Variants in SYT17 observed in about 807,000 individuals in gnomAD.
SYT17 encodes the protein synaptotagmin 17, also known as synaptotagmin-17.
A neutral mutation model predicts 46.7 loss-of-function variants in SYT17; 22 were observed. The observed-to-expected ratio is 0.47, with a 90% CI of 0.34 to 0.67. SYT17 has a LOEUF of 0.67. Ranked by LOEUF, SYT17 falls within the 30% of genes least tolerant of loss-of-function variation. The probability of loss-of-function intolerance (pLI) is 0.01; values close to 1 mark genes in which losing one functional copy is unlikely to be tolerated. For synonymous variants in SYT17, 251 were observed against 248.4 expected (o/e 1.01, Z -0.10); for missense variants, 519 against 612.8 (o/e 0.85, Z 1.62).
chr16:19,248,323 A>G (rs773613096), intron 7 of SYT17, among the ~76,000 whole-genome samples: 8 of 152,204 alleles, frequency 5.3e-5, no homozygotes, highest in Non-Finnish European at 1.2e-4. Flanking sequence ...TGGGGCTTAT[A>G]AGGGTAAATA....
At chr16:19,171,870 AAG>A (rs1325783281) in intron 1 of SYT17, 1 of 152,216 alleles carries the variant, frequency 6.6e-6, no homozygotes, top group African/African-American at 2.4e-5. Context: ...GTTTAAAAGA[AAG>A]GGGATGGGGG....
intron 7 of SYT17, among the ~76,000 whole-genome samples, chr16:19,254,904 C>T (rs1409275145): frequency 6.6e-6 from 1 of 152,174 alleles, no homozygotes. Flanking sequence ...GTGGCTCAAT[C>T]TCCACACTGA....
intron 5 of SYT17, among the ~76,000 whole-genome samples, chr16:19,214,756 G>A (rs530319751): frequency 4.0e-5 from 6 of 151,720 alleles, no homozygotes; most frequent in East Asian, 2.0e-4. Flanking sequence ...AAATTATGGC[G>A]CTGCTCACCA....
At chr16:19,192,822 C>T (rs1443323443) in intron 5 of SYT17, among the ~76,000 whole-genome samples, 1 of 152,152 alleles carries the variant, frequency 6.6e-6, no homozygotes, top group Non-Finnish European at 1.5e-5. Context: ...GTTTCTACTA[C>T]TGTGATGGTT....
At chr16:19,179,167 A>T (rs1964444627) in intron 3 of SYT17, among the ~76,000 whole-genome samples, 2 of 152,256 alleles carry the variant, frequency 1.3e-5, no homozygotes, top group South Asian at 4.1e-4. Context: ...TTGCTGTGTC[A>T]CCCAGGCTGG....
At chr16:19,233,413 A>G (rs948504341) in intron 7 of SYT17, among the ~76,000 whole-genome samples, 5 of 152,058 alleles carry the variant, frequency 3.3e-5, no homozygotes, top group Non-Finnish European at 7.4e-5. Flanking sequence ...GTACTTTGGG[A>G]GGCCGAGGCA....
At chr16:19,229,377 A>T (rs1409967751) in intron 7 of SYT17, among the ~76,000 whole-genome samples, 1 of 151,912 alleles carries the variant, frequency 6.6e-6, no homozygotes, top group Non-Finnish European at 1.5e-5. Flanking sequence ...GGAAAGAGGG[A>T]TCGTGCACCT....
At position 19,224,738 on chromosome 16, in the gene SYT17, G is replaced by C. The variant is rs961588058; in HGVS notation, c.1128G>C (p.Lys376Asn). 5.6e-6 allele frequency: 9 copies of C among 1,614,094 alleles called. No homozygotes were observed. The highest frequency in any genetic ancestry group is 7.6e-6 in the Non-Finnish European group (9 of 1,179,974). ...GACTCAAACTTGTGAAAACCAAGAAGACGTCCTTCTTAAGGGGCACAATTG... is the reference window on the plus strand; with the variant it reads ...GACTCAAACTTGTGAAAACCAAGAACACGTCCTTCTTAAGGGGCACAATTG... ...VHGLKLVKTKKTSFLRGTIDP... is the reference protein window; with the variant it reads ...VHGLKLVKTKNTSFLRGTIDP... Residue 376 changes from lysine to asparagine, a missense_variant, in exon 7 of 8, where the codon AAG (lysine) becomes AAC (asparagine). Lys to Asn is a moderately conservative substitution (Grantham distance 94, BLOSUM62 0). Coordinates refer to ENST00000355377, the MANE Select transcript of SYT17 (RefSeq NM_016524.4).
At chr16:19,175,645 CAAAAAAA>C (rs34788366) in intron 3 of SYT17, among the ~76,000 whole-genome samples, 1 of 67,778 alleles carries the variant, frequency 1.5e-5, no homozygotes, top group East Asian at 6.5e-4. Context: ...AGCAAGACTT[CAAAAAAA>C]AAAAAAAAAA....
At chr16:19,174,234 C>T (rs554364840) in intron 3 of SYT17, among the ~76,000 whole-genome samples, 1 of 152,322 alleles carries the variant, frequency 6.6e-6, no homozygotes, top group South Asian at 2.1e-4. Context: ...ATCTGCCAGT[C>T]GCTCAGATAT....
At chr16:19,225,594 C>A (rs978502158) in intron 7 of SYT17, among the ~76,000 whole-genome samples, 1 of 152,176 alleles carries the variant, frequency 6.6e-6, no homozygotes, top group Admixed American at 6.5e-5. Flanking sequence ...AGGCTGCAAT[C>A]AAGGTATTGG....
rs757046960 is a variant in SYT17, at chr16:19,180,406, C to G, written c.198C>G (p.Ser66Arg). Residue 66 changes from serine (S) to arginine (R), a missense_variant, in exon 4 of 8, where the codon AGC becomes AGG. Physicochemically the swap from Ser to Arg is moderately radical, Grantham distance 110. Coordinates refer to ENST00000355377, the MANE Select transcript of SYT17 (RefSeq NM_016524.4). ...QTPPWLMASR[S>R]SDKDGDSVHT... is the part of the protein sequence containing the mutation. ...CTTCCTATAGGATGGCCAGCCGGAGCAGTGACAAGGATGGTGACTCTGTCC... is the reference window on the plus strand; with the variant it reads ...CTTCCTATAGGATGGCCAGCCGGAGGAGTGACAAGGATGGTGACTCTGTCC... 2 of 1,614,038 alleles carry G rather than the reference C, an allele frequency of 1.2e-6. No homozygotes were observed. The highest frequency in any genetic ancestry group is 1.7e-6 in the Non-Finnish European group (2 of 1,180,042).
intron 1 of SYT17, chr16:19,172,440 G>T (rs1419443988): frequency 6.9e-6 from 10 of 1,440,454 alleles, no homozygotes; most frequent in South Asian, 1.6e-5. Flanking sequence ...GGCTGCATTG[G>T]ATAGCATGAC....
intron 3 of SYT17, 132 bp downstream of exon 3, chr16:19,173,710 C>T (rs566706496): frequency 4.5e-5 from 46 of 1,029,234 alleles, no homozygotes; most frequent in Non-Finnish European, 5.9e-5. Context: ...GCTGAGTTTC[C>T]AGGGACAACT....
At chr16:19,189,038 C>T (rs1238379231) in intron 5 of SYT17, among the ~76,000 whole-genome samples, 1 of 152,152 alleles carries the variant, frequency 6.6e-6, no homozygotes, top group Non-Finnish European at 1.5e-5. Flanking sequence ...AGGCGCCCAC[C>T]ACCACGCCCG....
rs908316420 is a variant in SYT17 at position 19,240,737 on chromosome 16, G to A, written c.1228+15899G>A. On this transcript the variant is annotated intron_variant, in intron 7 of 7. Transcript: ENST00000355377. ...TGTCTGTCTCCTGCTGCTCATGCCAGGTTGCTCATGGCGCTCAGGCTGTTC... is the reference window on the plus strand; with the variant it reads ...TGTCTGTCTCCTGCTGCTCATGCCAAGTTGCTCATGGCGCTCAGGCTGTTC... 2.6e-5 allele frequency among the ~76,000 whole-genome samples: 4 copies of A among 152,226 alleles called. No homozygotes were observed. In the South Asian group the frequency reaches 8.3e-4, roughly 31 times the overall value.
At chr16:19,263,640 C>CAAAAAAAAAAAA (rs1157288423) in intron 7 of SYT17, among the ~76,000 whole-genome samples, 4 of 39,238 alleles carry the variant, frequency 1.0e-4, no homozygotes, top group East Asian at 9.3e-4. Flanking sequence ...AATTACAACT[C>CAAAAAAAAAAAA]AAAAAAAAAA....
At position 19,192,380 on chromosome 16, in the gene SYT17, C is replaced by G. The variant is rs140725661; in HGVS notation, c.951+8233C>G. Among the ~76,000 whole-genome samples, 17 of 151,992 alleles carry G rather than the reference C, an allele frequency of 1.1e-4. 1 individual carries two copies. The highest frequency in any genetic ancestry group is 3.9e-4 in the African/African-American group (16 of 41,472). ...AGGCTGCAGTGAGCCAAGATCGCAC[C>G]ACTGCACTCCAGTCTGGACAGCAGA... On this transcript the variant is annotated intron_variant, in intron 5 of 7. Transcript: ENST00000355377.
chr16:19,183,689 G>T lies in SYT17; in HGVS notation c.493G>T (p.Asp165Tyr). 1 of 1,614,144 alleles carries T rather than the reference G, an allele frequency of 6.2e-7. No homozygotes were observed. Among genetic ancestry groups the T allele is most frequent in the Non-Finnish European group, 8.5e-7 (1 of 1,180,028 alleles). Reference sequence around the variant, plus strand: ...GTTCGAACCCCACCTGTACTCCCTCGACTCCAACAGCGACGATGTGGACTC... The same window carrying T: ...GTTCGAACCCCACCTGTACTCCCTCTACTCCAACAGCGACGATGTGGACTC... Reference protein sequence around the residue: ...RKFEPHLYSLDSNSDDVDSLT... With the variant: ...RKFEPHLYSLYSNSDDVDSLT... Residue 165 changes from aspartate (D) to tyrosine (Y), a missense_variant, in exon 5 of 8, where the codon GAC becomes TAC. Coordinates refer to ENST00000355377, the MANE Select transcript of SYT17 (RefSeq NM_016524.4). The surrounding 1 kb of genome is among the most constrained non-coding windows in gnomAD (Gnocchi z 5.6).
Sources: allele counts gnomAD v4.1 joint callset (sites outside exome capture counted in the v4.1 genomes callset), GRCh38; gene constraint gnomAD v4.1.1; non-coding constraint Gnocchi (gnomAD v3.1); transcripts MANE v1.5; gene names NCBI Gene and HGNC (gene_info 2026-07-23, HGNC 2026-07-21).